CFAP20DC: variants seen among roughly 807,000 people sequenced by gnomAD.
The protein encoded by CFAP20DC is CFAP20 domain containing, also known as protein CFAP20DC.
Under a neutral mutation model 101.7 loss-of-function variants are expected in CFAP20DC, and 84 were observed. That is an observed-to-expected ratio of 0.83 (90% CI 0.69 to 0.99). The LOEUF is 0.99. Ranked by LOEUF, CFAP20DC falls within the 50% of genes least tolerant of loss-of-function variation. The pLI, the probability that CFAP20DC is intolerant of heterozygous loss-of-function variation, is 0.00. For missense variants in CFAP20DC, 1,007 were observed against 970.3 expected (o/e 1.04, Z -0.50); for synonymous variants, 359 against 351.2 (o/e 1.02, Z -0.25).
At chr3:58,938,483 T>C (rs2088028365) in intron 4 of CFAP20DC, among the ~76,000 whole-genome samples, 1 of 152,206 alleles carries the variant, frequency 6.6e-6, no homozygotes, top group South Asian at 2.1e-4. Flanking sequence ...TGTCTCACAC[T>C]GCTATATTAT....
At chr3:58,840,205 T>A (rs556672661) in intron 13 of CFAP20DC, among the ~76,000 whole-genome samples, 2 of 152,346 alleles carry the variant, frequency 1.3e-5, no homozygotes, top group East Asian at 3.8e-4. Context: ...GATAATAAAC[T>A]TGTCTTTTCT....
chr3:58,957,330 A>G (rs1006203449), intron 4 of CFAP20DC, among the ~76,000 whole-genome samples: 1 of 152,206 alleles, frequency 6.6e-6, no homozygotes, highest in African/African-American at 2.4e-5. Flanking sequence ...CAAATAATTT[A>G]TATCCAAAAG....
At chr3:58,843,765 A>C (rs1224853346) in intron 13 of CFAP20DC, among the ~76,000 whole-genome samples, 4 of 150,944 alleles carry the variant, frequency 2.6e-5, no homozygotes, top group Non-Finnish European at 5.9e-5. Context: ...GCCAGAGAGA[A>C]AGGTCAGGTT....
intron 6 of CFAP20DC, among the ~76,000 whole-genome samples, chr3:58,901,575 C>A (rs535656576): frequency 6.6e-6 from 1 of 152,076 alleles, no homozygotes; most frequent in African/African-American, 2.4e-5. Context: ...GCAAGTGCTA[C>A]GTAAGTGTTT....
intron 4 of CFAP20DC, among the ~76,000 whole-genome samples, chr3:59,036,601 C>T (rs958063764): frequency 6.6e-6 from 1 of 152,046 alleles, no homozygotes; most frequent in African/African-American, 2.4e-5. Context: ...TGTGAAGGAC[C>T]TCTTCAAGGA....
chr3:59,030,511 T>C (rs2093970473), intron 4 of CFAP20DC, among the ~76,000 whole-genome samples: 1 of 152,218 alleles, frequency 6.6e-6, no homozygotes, highest in South Asian at 2.1e-4. Context: ...TGATCTTTAA[T>C]CCATAAGATA....
chr3:58,927,885 A>C (rs1241940841), intron 5 of CFAP20DC, among the ~76,000 whole-genome samples: 1 of 152,172 alleles, frequency 6.6e-6, no homozygotes, highest in Non-Finnish European at 1.5e-5. Context: ...TTGGGAATAG[A>C]GTATACTAGC....
At chr3:58,723,576 G>T (rs1372137695) in intron 3 of CFAP20DC, among the ~76,000 whole-genome samples, 1 of 152,218 alleles carries the variant, frequency 6.6e-6, no homozygotes, top group Non-Finnish European at 1.5e-5. Flanking sequence ...TCAATAAGCA[G>T]CAATTTATTA....
At chr3:58,995,996 AT>A (rs2093115305) in intron 4 of CFAP20DC, among the ~76,000 whole-genome samples, 1 of 151,652 alleles carries the variant, frequency 6.6e-6, no homozygotes, top group Non-Finnish European at 1.5e-5. Flanking sequence ...CTATCTATCT[AT>A]CTATCTATCT....
intron 4 of CFAP20DC, among the ~76,000 whole-genome samples, chr3:59,034,298 A>C (rs2094053078): frequency 6.6e-6 from 1 of 152,246 alleles, no homozygotes; most frequent in Non-Finnish European, 1.5e-5. Flanking sequence ...TAAGGGGCAA[A>C]ATAACCAGCT....
rs576371158 is a variant in CFAP20DC at position 58,732,000 on chromosome 3, A to G, written c.198-14372T>C. On this transcript the variant is annotated intron_variant, in intron 3 of 3. Transcript: ENST00000486145. Reference sequence around the variant, plus strand: ...CTCAGTTTCTTAATTTGTAAAGTAGATGAACACAGTTGCGAGGATTAAATG... The same window carrying G: ...CTCAGTTTCTTAATTTGTAAAGTAGGTGAACACAGTTGCGAGGATTAAATG... 5.3e-5 allele frequency among the ~76,000 whole-genome samples: 8 copies of G among 152,338 alleles called. No homozygotes were observed. The East Asian group carries it at 1.3e-3, about 26-fold the overall frequency.
intron 14 of CFAP20DC, among the ~76,000 whole-genome samples, chr3:58,826,273 CTT>C (rs1475703993): frequency 6.6e-6 from 1 of 152,092 alleles, no homozygotes; most frequent in Non-Finnish European, 1.5e-5. Flanking sequence ...ATTTTGGAAT[CTT>C]GACGAAAATT....
rs1334585358 is a variant in CFAP20DC, at chr3:58,897,573, C to T, written c.551-12864G>A. On this transcript the variant is annotated intron_variant, in intron 6 of 16. Transcript: ENST00000482387. The surrounding 1 kb of genome is among the most constrained non-coding windows in gnomAD (Gnocchi z 4.4). Reference sequence around the variant, plus strand: ...TCAGAAGTGCTTGCAAGGCAAGCCTCGTGGTGATGAGTTCCCTCAGCATTT... The same window carrying T: ...TCAGAAGTGCTTGCAAGGCAAGCCTTGTGGTGATGAGTTCCCTCAGCATTT... 2.0e-5 allele frequency among the ~76,000 whole-genome samples: 3 copies of T among 152,166 alleles called. No homozygotes were observed. Among genetic ancestry groups the T allele is most frequent in the South Asian group, 2.1e-4 (1 of 4,816 alleles).
chr3:59,004,271 C>A (rs1427936453), intron 4 of CFAP20DC, among the ~76,000 whole-genome samples: 1 of 152,072 alleles, frequency 6.6e-6, no homozygotes, highest in Non-Finnish European at 1.5e-5. Context: ...ACCCAACATG[C>A]ATCTGAGGCA....
chr3:58,816,340 C>A (rs962089055), intron 14 of CFAP20DC, among the ~76,000 whole-genome samples: 1 of 152,132 alleles, frequency 6.6e-6, no homozygotes, highest in Admixed American at 6.5e-5. Flanking sequence ...GAGTGAGCGA[C>A]GCAGAAGACG....
chr3:58,818,272 T>C (rs2075350481), intron 14 of CFAP20DC, among the ~76,000 whole-genome samples: 1 of 149,148 alleles, frequency 6.7e-6, no homozygotes, highest in Non-Finnish European at 1.5e-5. Flanking sequence ...AATGACAGGA[T>C]CAAATTCACA....
At chr3:59,042,951 A>G (rs1576819172) in intron 3 of CFAP20DC, among the ~76,000 whole-genome samples, 1 of 152,186 alleles carries the variant, frequency 6.6e-6, no homozygotes, top group African/African-American at 2.4e-5. Context: ...TAAGCAACTG[A>G]AAAGATAAGT....
At chr3:58,976,518 G>A (rs2092284314) in intron 4 of CFAP20DC, among the ~76,000 whole-genome samples, 1 of 152,172 alleles carries the variant, frequency 6.6e-6, no homozygotes, top group Non-Finnish European at 1.5e-5. Context: ...AGACCATGGA[G>A]GCAGGTGGAA....
chr3:58,821,465 C>G lies in CFAP20DC; in HGVS notation c.2175+10221G>C, dbSNP rs1470814063. 2.1e-3 allele frequency among the ~76,000 whole-genome samples: 316 copies of G among 151,988 alleles called. 3 individuals carry two copies. The highest frequency in any genetic ancestry group is 7.4e-3 in the African/African-American group (308 of 41,428). On this transcript the variant is annotated intron_variant, in intron 14 of 16. Transcript: ENST00000482387. ...ATTCACAAGAAAAAAACAAACAACC[C>G]CATCAAAAAGTGGGCAAAGGACATG... is the stretch of plus-strand genomic sequence containing the variant.
Sources: gnomAD v4.1 joint callset for allele counts (sites outside exome capture counted in the v4.1 genomes callset) on GRCh38, gnomAD v4.1.1 for gene constraint, Gnocchi (gnomAD v3.1) non-coding constraint, MANE v1.5 for transcripts, NCBI Gene and HGNC (gene_info 2026-07-23, HGNC 2026-07-21) for gene names.